DENND1A: variants seen among roughly 807,000 people sequenced by gnomAD.
DENND1A encodes the protein DENN domain containing 1A.
In DENND1A, 51 loss-of-function variants were observed where a neutral mutation model predicts 113.7. That is an observed-to-expected ratio of 0.45 (90% confidence interval 0.36 to 0.57). DENND1A has a LOEUF of 0.57. DENND1A is among the 20% of genes least tolerant of loss of function. The pLI is 0.00. For synonymous variants in DENND1A, 565 were observed against 570.8 expected (o/e 0.99, Z 0.14); for missense variants, 1,258 against 1,395.9 (o/e 0.90, Z 1.57).
At chr9:123,529,015 T>G (rs934757613) in intron 13 of DENND1A, among the ~76,000 whole-genome samples, 1 of 152,220 alleles carries the variant, frequency 6.6e-6, no homozygotes, top group Non-Finnish European at 1.5e-5. Context: ...ACTCTCTTAT[T>G]TAGCAGCTTC....
intron 2 of DENND1A, among the ~76,000 whole-genome samples, chr9:123,841,537 C>A (rs971815541): frequency 2.0e-5 from 3 of 152,086 alleles, no homozygotes; most frequent in African/African-American, 4.8e-5. Context: ...AGTTTAAGGT[C>A]CAGTACAGAA....
At chr9:123,715,303 G>A (rs768246073) in intron 5 of DENND1A, among the ~76,000 whole-genome samples, 1 of 152,128 alleles carries the variant, frequency 6.6e-6, no homozygotes, top group Non-Finnish European at 1.5e-5. Flanking sequence ...TAGACTCTGG[G>A]TTGGCAGTAT....
At chr9:123,570,460 G>A (rs1451868078) in intron 12 of DENND1A, among the ~76,000 whole-genome samples, 2 of 152,196 alleles carry the variant, frequency 1.3e-5, no homozygotes, top group African/African-American at 2.4e-5. Context: ...TTTTCAGTTG[G>A]GGAGTGGTCT....
At position 123,775,303 on chromosome 9, in the gene DENND1A, C is replaced by T. The variant is rs150319971; in HGVS notation, c.133-5740G>A. On this transcript the variant is annotated intron_variant, in intron 3 of 23. Transcript: ENST00000394215. ...CAGAATTCAGTGGTAATTCCTTGGA[C>T]TTAATATGATTACTCTAAAATAGTT... Among the ~76,000 whole-genome samples the T allele has an allele frequency of 1.6e-3, 239 of 152,262 alleles. 2 individuals are homozygous for T. Among genetic ancestry groups the T allele is most frequent in the African/African-American group, 5.3e-3 (219 of 41,546 alleles).
chr9:123,481,894 C>T (rs1304609926), intron 13 of DENND1A, among the ~76,000 whole-genome samples: 1 of 148,608 alleles, frequency 6.7e-6, no homozygotes, highest in African/African-American at 2.5e-5. Flanking sequence ...CTTCCAGGTT[C>T]AGGCAATTCT....
intron 11 of DENND1A, among the ~76,000 whole-genome samples, chr9:123,607,094 G>T (rs1273209156): frequency 5.9e-5 from 9 of 152,248 alleles, no homozygotes; most frequent in African/African-American, 2.2e-4. Flanking sequence ...TCCTCCTCAA[G>T]TATTATGTAG....
chr9:123,887,171 A>C (rs1849222603), intron 1 of DENND1A, among the ~76,000 whole-genome samples: 1 of 152,178 alleles, frequency 6.6e-6, no homozygotes, highest in African/African-American at 2.4e-5. Flanking sequence ...ATTATCAATA[A>C]ACATTTTTGA....
At chr9:123,522,552 C>T (rs1176971891) in intron 13 of DENND1A, among the ~76,000 whole-genome samples, 1 of 152,202 alleles carries the variant, frequency 6.6e-6, no homozygotes, top group South Asian at 2.1e-4. Flanking sequence ...TAACCCTCCT[C>T]CCTTCCCCAA....
chr9:123,723,974 T>C (rs2067518769), intron 5 of DENND1A, among the ~76,000 whole-genome samples: 1 of 152,222 alleles, frequency 6.6e-6, no homozygotes, highest in Non-Finnish European at 1.5e-5. Context: ...CAATATTTAT[T>C]GAAGGAATGA....
intron 5 of DENND1A, among the ~76,000 whole-genome samples, chr9:123,733,788 C>T (rs1267250904): frequency 6.6e-6 from 1 of 151,886 alleles, no homozygotes; most frequent in Non-Finnish European, 1.5e-5. Flanking sequence ...GCCTCAGCCT[C>T]CCAAGCAGCT....
At chr9:123,693,786 C>T (rs1213982091) in intron 5 of DENND1A, among the ~76,000 whole-genome samples, 1 of 146,320 alleles carries the variant, frequency 6.8e-6, no homozygotes, top group Admixed American at 6.9e-5. Context: ...AGTATATCAT[C>T]CACAAGTTTC....
At chr9:123,816,511 A>C (rs1211331837) in intron 2 of DENND1A, among the ~76,000 whole-genome samples, 1 of 152,224 alleles carries the variant, frequency 6.6e-6, no homozygotes, top group African/African-American at 2.4e-5. Flanking sequence ...AGGTTTATAA[A>C]TCAACTTCCA....
chr9:123,637,281 G>A (rs2061754586), intron 9 of DENND1A, among the ~76,000 whole-genome samples: 1 of 152,222 alleles, frequency 6.6e-6, no homozygotes, highest in Admixed American at 6.5e-5. Flanking sequence ...TCATTCTTAA[G>A]TTTGTTCATT....
intron 19 of DENND1A, among the ~76,000 whole-genome samples, chr9:123,430,945 G>A (rs2046091736): frequency 6.6e-6 from 1 of 152,168 alleles, no homozygotes; most frequent in Non-Finnish European, 1.5e-5. Flanking sequence ...TGAGGCTGCG[G>A]TGAGCCGAGA....
intron 11 of DENND1A, among the ~76,000 whole-genome samples, chr9:123,607,002 G>C (rs2060183979): frequency 1.3e-5 from 2 of 152,290 alleles, no homozygotes; most frequent in Admixed American, 1.3e-4. Flanking sequence ...AAGCTAACAT[G>C]GGTCAGTGAC....
At chr9:123,587,237 T>C (rs980494291) in intron 11 of DENND1A, among the ~76,000 whole-genome samples, 2 of 152,148 alleles carry the variant, frequency 1.3e-5, no homozygotes, top group African/African-American at 4.8e-5. Context: ...CATTTGTATG[T>C]AGAAGTACAG....
Position 123,756,728 on chromosome 9 carries a change from G to A in DENND1A, c.302+975C>T, listed in dbSNP as rs189913434. 5.3e-5 allele frequency among the ~76,000 whole-genome samples: 8 copies of A among 152,362 alleles called. No individual in the cohort carries two copies. The East Asian group carries it at 1.3e-3, about 26-fold the overall frequency. On this transcript the variant is annotated intron_variant, in intron 5 of 23. Coordinates refer to ENST00000394215, the MANE Select transcript of DENND1A (RefSeq NM_001352964.2). ...CCCTCCTCCCCTGTGGTGTGAGGGT[G>A]TGTGGGTTTGGGGAACAGAAGTCAG...
At chr9:123,713,753 T>C (rs951936685) in intron 5 of DENND1A, among the ~76,000 whole-genome samples, 6 of 152,180 alleles carry the variant, frequency 3.9e-5, no homozygotes, top group African/African-American at 1.4e-4. Context: ...TTAGATACAT[T>C]ATCATATTTA....
chr9:123,781,050 T>C (rs1428749178), intron 3 of DENND1A, among the ~76,000 whole-genome samples: 1 of 152,252 alleles, frequency 6.6e-6, no homozygotes, highest in African/African-American at 2.4e-5. Context: ...ATTAGCATTC[T>C]GTCTCCAGGG....
Sources: gnomAD v4.1 joint callset for allele counts (sites outside exome capture counted in the v4.1 genomes callset) on GRCh38, gnomAD v4.1.1 for gene constraint, MANE v1.5 for transcripts, NCBI Gene and HGNC (gene_info 2026-07-23, HGNC 2026-07-21) for gene names.